The following KALRN variants were observed in gnomAD, a reference collection of about 807,000 sequenced individuals.
KALRN encodes kalirin.
KALRN carries 70 observed loss-of-function variants against 353.7 expected under a neutral mutation model. The observed-to-expected ratio is 0.20, with a 90% confidence interval of 0.16 to 0.24. The LOEUF is 0.24. Among genes scored for constraint, KALRN ranks in the 10% least tolerant of loss-of-function variants. KALRN has a pLI of 1.00. For synonymous variants in KALRN, 1,391 were observed against 1,434.8 expected (o/e 0.97, Z 0.69); for missense variants, 2,791 against 3,756.7 (o/e 0.74, Z 6.72).
At chr3:124,246,680 T>C (rs1326556682) in intron 3 of KALRN, among the ~76,000 whole-genome samples, 6 of 152,192 alleles carry the variant, frequency 3.9e-5, no homozygotes, top group African/African-American at 1.4e-4. Context: ...ATTTCTCTTT[T>C]AGGCTACTGT....
At chr3:124,200,735 G>A (rs748541450) in intron 1 of KALRN, among the ~76,000 whole-genome samples, 4 of 152,164 alleles carry the variant, frequency 2.6e-5, no homozygotes, top group Non-Finnish European at 5.9e-5. Context: ...GCTTTTCTAA[G>A]TCTGGGGTAT....
At chr3:124,607,111 A>C (rs1409042226) in intron 34 of KALRN, among the ~76,000 whole-genome samples, 3 of 152,374 alleles carry the variant, frequency 2.0e-5, no homozygotes, top group Non-Finnish European at 2.9e-5. Context: ...ACAGGATTTC[A>C]AGTGATAATT....
chr3:124,681,897 T>C (rs1241809023), intron 51 of KALRN, among the ~76,000 whole-genome samples: 2 of 152,206 alleles, frequency 1.3e-5, no homozygotes, highest in African/African-American at 4.8e-5. Flanking sequence ...CCCAAAGTGC[T>C]GGGATTACAG....
At chr3:124,271,440 G>C (rs2074156816) in intron 5 of KALRN, among the ~76,000 whole-genome samples, 1 of 152,174 alleles carries the variant, frequency 6.6e-6, no homozygotes, top group South Asian at 2.1e-4. Context: ...TCTAGGGCCT[G>C]CCAAGTTCCA....
At chr3:124,528,326 G>C (rs947005632) in intron 33 of KALRN, among the ~76,000 whole-genome samples, 1 of 152,174 alleles carries the variant, frequency 6.6e-6, no homozygotes, top group Non-Finnish European at 1.5e-5. Flanking sequence ...AATTCATATA[G>C]AGTATACCTA....
chr3:124,197,287 T>C (rs1419892024), intron 1 of KALRN, among the ~76,000 whole-genome samples: 2 of 152,230 alleles, frequency 1.3e-5, no homozygotes, highest in Non-Finnish European at 2.9e-5. Flanking sequence ...TGAACATCCA[T>C]GATGCTGGGG....
At chr3:124,202,052 T>C (rs1483957073) in intron 1 of KALRN, among the ~76,000 whole-genome samples, 1 of 152,220 alleles carries the variant, frequency 6.6e-6, no homozygotes, top group African/African-American at 2.4e-5. Flanking sequence ...TCCTGTCTCC[T>C]ACCTCCCTTC....
intron 34 of KALRN, among the ~76,000 whole-genome samples, chr3:124,586,210 G>A (rs1192771386): frequency 6.6e-6 from 1 of 152,200 alleles, no homozygotes; most frequent in Non-Finnish European, 1.5e-5. Flanking sequence ...TCAAAACCAA[G>A]GCTGGGAATT....
At chr3:124,112,404 G>A (rs2063073396) in intron 1 of KALRN, among the ~76,000 whole-genome samples, 1 of 151,550 alleles carries the variant, frequency 6.6e-6, no homozygotes, top group South Asian at 2.1e-4. Flanking sequence ...ACCTGCCTTT[G>A]TTACCTGGGA....
chr3:124,598,476 C>T (rs1451267057), intron 34 of KALRN, among the ~76,000 whole-genome samples: 2 of 152,114 alleles, frequency 1.3e-5, no homozygotes, highest in Non-Finnish European at 2.9e-5. Context: ...TATTCTGGGG[C>T]CTTGCTGGAG....
chr3:124,120,377 C>G (rs1035052440), intron 1 of KALRN, among the ~76,000 whole-genome samples: 1 of 152,118 alleles, frequency 6.6e-6, no homozygotes, highest in African/African-American at 2.4e-5. Context: ...AGGTAAATCC[C>G]CACAGATGAA....
chr3:124,582,990 A>G (rs4678140), intron 34 of KALRN, among the ~76,000 whole-genome samples: 77,843 of 151,984 alleles, frequency 0.51, 20,204 homozygotes, highest in Middle Eastern at 0.6. Flanking sequence ...GCCTCCCTGC[A>G]TCGTTCAGGC....
intron 18 of KALRN, among the ~76,000 whole-genome samples, chr3:124,440,485 G>GTTTT (rs1182033979): frequency 6.6e-6 from 1 of 151,994 alleles, no homozygotes; most frequent in African/African-American, 2.4e-5. Context: ...CCATCAAGCT[G>GTTTT]TTTTATTCAG....
At chr3:124,254,537 C>T (rs2701141) in intron 3 of KALRN, among the ~76,000 whole-genome samples, 1 of 151,986 alleles carries the variant, frequency 6.6e-6, no homozygotes, top group East Asian at 1.9e-4. Context: ...TAAGCAACTT[C>T]TCTGAGCCTC....
intron 33 of KALRN, among the ~76,000 whole-genome samples, chr3:124,552,005 T>C (rs966628139): frequency 3.3e-5 from 5 of 152,218 alleles, no homozygotes; most frequent in African/African-American, 7.2e-5. Context: ...TTTCCTCATC[T>C]ATAAAATTGG....
chr3:124,272,237 G>T (rs191931656), intron 5 of KALRN, among the ~76,000 whole-genome samples: 32 of 152,242 alleles, frequency 2.1e-4, no homozygotes, highest in Admixed American at 1.8e-3. Flanking sequence ...ATACTAATAA[G>T]ATCTACTTGA....
At chr3:124,403,850 C>T (rs1023288112) in intron 13 of KALRN, among the ~76,000 whole-genome samples, 1 of 152,130 alleles carries the variant, frequency 6.6e-6, no homozygotes, top group African/African-American at 2.4e-5. Context: ...AATCATCATA[C>T]AATTTAAGAA....
At chr3:124,260,625 A>G (rs899507056) in intron 3 of KALRN, among the ~76,000 whole-genome samples, 1 of 151,938 alleles carries the variant, frequency 6.6e-6, no homozygotes, top group South Asian at 2.1e-4. Flanking sequence ...TTCAGATACT[A>G]GGAGCTTGGC....
At chr3:124,390,578 T>G (rs1273595869) in intron 11 of KALRN, among the ~76,000 whole-genome samples, 1 of 152,172 alleles carries the variant, frequency 6.6e-6, no homozygotes, top group Non-Finnish European at 1.5e-5. Flanking sequence ...TACTGTTTAT[T>G]TAAGAAACAA....
Sources: gnomAD v4.1 joint callset for allele counts (sites outside exome capture counted in the v4.1 genomes callset) on GRCh38, gnomAD v4.1.1 for gene constraint, MANE v1.5 for transcripts, NCBI Gene and HGNC (gene_info 2026-07-23, HGNC 2026-07-21) for gene names.